RAB22A: variants seen among roughly 807,000 people sequenced by gnomAD.
The protein encoded by RAB22A is RAB22A, member RAS oncogene family.
In RAB22A, 13 loss-of-function variants were observed where a neutral mutation model predicts 30.2. The ratio of observed to expected loss-of-function variants is 0.43; its 90% CI spans 0.28 to 0.68. RAB22A has a LOEUF of 0.68. Ranked by LOEUF, RAB22A falls within the 30% of genes least tolerant of loss-of-function variation. The pLI, the probability that RAB22A is intolerant of heterozygous loss-of-function variation, is 0.18. For synonymous variants in RAB22A, 89 were observed against 87.2 expected (o/e 1.02, Z -0.11); for missense variants, 177 against 246.8 (o/e 0.72, Z 1.89).
intron 2 of RAB22A, among the ~76,000 whole-genome samples, chr20:58,316,932 C>CA (rs2122925342): frequency 6.6e-6 from 1 of 152,284 alleles, no homozygotes; most frequent in African/African-American, 2.4e-5. Flanking sequence ...AGTGGTAAGT[C>CA]ACTCGCTCCT....
intron 2 of RAB22A, among the ~76,000 whole-genome samples, chr20:58,322,056 A>T (rs908431788): frequency 3.9e-5 from 6 of 152,190 alleles, no homozygotes; most frequent in Admixed American, 3.9e-4. Context: ...CTGTGGCTTC[A>T]CAAAGGGCTG....
intron 2 of RAB22A, among the ~76,000 whole-genome samples, chr20:58,335,170 G>A (rs1600732058): frequency 1.3e-5 from 2 of 152,288 alleles, no homozygotes; most frequent in South Asian, 4.1e-4. Context: ...CCATTTATTT[G>A]AAATCCAAGG....
chr20:58,314,715 C>T (rs991273526), intron 2 of RAB22A, among the ~76,000 whole-genome samples: 2 of 152,056 alleles, frequency 1.3e-5, no homozygotes, highest in Non-Finnish European at 2.9e-5. Flanking sequence ...ATGGCACACA[C>T]CTGTAATCGC....
chr20:58,335,038 GC>G (rs1403814799), intron 2 of RAB22A, among the ~76,000 whole-genome samples: 4 of 152,060 alleles, frequency 2.6e-5, no homozygotes, highest in Non-Finnish European at 5.9e-5. Flanking sequence ...ATAAGAATGG[GC>G]AAAGTGCGAT....
intron 2 of RAB22A, among the ~76,000 whole-genome samples, chr20:58,332,560 G>T (rs1354106040): frequency 2.0e-5 from 3 of 152,142 alleles, no homozygotes; most frequent in African/African-American, 7.2e-5. Context: ...TAAGTAGAAA[G>T]TATCCAAACT....
intron 2 of RAB22A, among the ~76,000 whole-genome samples, chr20:58,320,841 A>G (rs759361260): frequency 4.6e-5 from 7 of 152,106 alleles, no homozygotes; most frequent in Non-Finnish European, 7.4e-5. Flanking sequence ...GGATCACTTG[A>G]AGTCAGGAGT....
At chr20:58,347,933 A>G (rs1986979653) in intron 3 of RAB22A, among the ~76,000 whole-genome samples, 1 of 152,250 alleles carries the variant, frequency 6.6e-6, no homozygotes, top group South Asian at 2.1e-4. Context: ...ATTGTATAAA[A>G]GAAAGCTTCT....
chr20:58,311,320 G>A (rs1986221821), intron 2 of RAB22A, among the ~76,000 whole-genome samples, 198 bp downstream of exon 2: 1 of 152,206 alleles, frequency 6.6e-6, no homozygotes, highest in Non-Finnish European at 1.5e-5. Context: ...CTTGTTGGGG[G>A]TGAGAACTTC....
intron 3 of RAB22A, among the ~76,000 whole-genome samples, chr20:58,346,271 A>C (rs1986944659): frequency 6.6e-6 from 1 of 152,216 alleles, no homozygotes; most frequent in Non-Finnish European, 1.5e-5. Context: ...TTCTGGAAAC[A>C]AAAATCAGCC....
chr20:58,310,093 C>T (rs1458482711), intron 1 of RAB22A, 81 bp downstream of exon 1: 6 of 1,200,186 alleles, frequency 5.0e-6, no homozygotes, highest in Non-Finnish European at 4.2e-6. Flanking sequence ...TCCCCTCATC[C>T]CTTCCCCCCT....
intron 2 of RAB22A, among the ~76,000 whole-genome samples, chr20:58,320,172 C>G (rs1042306502): frequency 2.6e-5 from 4 of 152,112 alleles, no homozygotes; most frequent in African/African-American, 9.7e-5. Flanking sequence ...ATTGGTATTA[C>G]GTCTTCCTTA....
At chr20:58,324,591 A>G (rs1301749462) in intron 2 of RAB22A, among the ~76,000 whole-genome samples, 1 of 152,184 alleles carries the variant, frequency 6.6e-6, no homozygotes, top group Admixed American at 6.5e-5. Context: ...ACTTTAGGCC[A>G]GGCACAGTGG....
chr20:58,325,249 T>C (rs1464910984), intron 2 of RAB22A, among the ~76,000 whole-genome samples: 1 of 146,514 alleles, frequency 6.8e-6, no homozygotes, highest in African/African-American at 2.5e-5. Context: ...AAGGCCCAGG[T>C]GGGCGGATCA....
rs199807651 is a variant in RAB22A at position 58,334,039 on chromosome 20, A to AT, written c.117-9670dup. Among the ~76,000 whole-genome samples the AT allele has an allele frequency of 3.3e-3, 502 of 151,610 alleles. 4 individuals carry two copies. The highest frequency in any genetic ancestry group is 5.4e-3 in the Non-Finnish European group (365 of 67,870). ...TGCCATTACACTTCTTTAAAAAAAA[A>AT]TTTTTTTTTGGCCAGGCTCAGTGGC... On this transcript the variant is annotated intron_variant, in intron 2 of 6. Transcript: ENST00000244040.
rs772347744 is a variant in RAB22A at position 58,353,449 on chromosome 20, A to G, written c.288A>G (p.Leu96=). ...TGTTACAGGAGACATTTTCAACATT[A>G]AAGAATTGGGTGAAAGAGCTTCGAC... ...DITKEETFST[L]KNWVKELRQH... The change falls in exon 5 of 7, where the codon TTA becomes TTG. Residue 96 remains leucine, a synonymous_variant. Transcript: ENST00000244040. The G allele has an allele frequency of 3.1e-6, 5 of 1,613,398 alleles. No individual in the cohort carries two copies. The highest frequency in any genetic ancestry group is 3.4e-6 in the Non-Finnish European group (4 of 1,179,320).
intron 2 of RAB22A, among the ~76,000 whole-genome samples, chr20:58,338,220 T>G (rs911927623): frequency 5.8e-4 from 88 of 152,082 alleles, no homozygotes; most frequent in Middle Eastern, 3.4e-3. Context: ...AGAGACGAGG[T>G]TTCACCATGT....
intron 6 of RAB22A, among the ~76,000 whole-genome samples, chr20:58,359,363 T>C (rs1987185199): frequency 6.6e-6 from 1 of 152,174 alleles, no homozygotes; most frequent in African/African-American, 2.4e-5. Flanking sequence ...TGTTGAACTC[T>C]TCATTTTGAC....
chr20:58,351,494 G>A (rs997479071), intron 3 of RAB22A, among the ~76,000 whole-genome samples: 2 of 151,924 alleles, frequency 1.3e-5, no homozygotes, highest in East Asian at 1.9e-4. Context: ...GGAAAAGAAC[G>A]GAGGAGCAGG....
chr20:58,311,062 C>G lies in RAB22A; in HGVS notation c.56C>G (p.Ser19Trp). 6.2e-7 allele frequency: 1 copy of G among 1,605,616 alleles called. No individual in the cohort carries two copies. Among genetic ancestry groups the G allele is most frequent in the East Asian group, 2.2e-5 (1 of 44,838 alleles). ...CLLGDTGVGK[S>W]SIVWRFVEDS... ...TTTCAGGATACAGGTGTAGGTAAATCGAGTATTGTGTGGCGGTTTGTGGAA... is the reference window on the plus strand; with the variant it reads ...TTTCAGGATACAGGTGTAGGTAAATGGAGTATTGTGTGGCGGTTTGTGGAA... The change falls in exon 2 of 7, where the codon TCG (serine) becomes TGG (tryptophan). Residue 19 changes from serine to tryptophan, a missense_variant. By Grantham distance (177) the Ser-to-Trp change is radical (BLOSUM62 -3). Transcript: ENST00000244040.
Sources: allele counts gnomAD v4.1 joint callset (sites outside exome capture counted in the v4.1 genomes callset), GRCh38; gene constraint gnomAD v4.1.1; transcripts MANE v1.5; gene names NCBI Gene and HGNC (gene_info 2026-07-23, HGNC 2026-07-21).